The following EBF1 variants were observed in gnomAD, a reference collection of about 807,000 sequenced individuals.
The protein encoded by EBF1 is transcription factor COE1.
A neutral mutation model predicts 68.4 loss-of-function variants in EBF1; 10 were observed. The observed-to-expected ratio is 0.15, with a 90% CI of 0.09 to 0.25. The LOEUF (loss-of-function observed/expected upper bound fraction) is 0.25, where lower values mean the gene tolerates loss of function less well. EBF1 is among the 10% of genes least tolerant of loss of function. The pLI is 1.00. For missense variants in EBF1, 509 were observed against 794.4 expected (o/e 0.64, Z 4.32); for synonymous variants, 298 against 299.8 (o/e 0.99, Z 0.06).
chr5:158,838,434 A>G (rs1228518213), intron 7 of EBF1, among the ~76,000 whole-genome samples: 6 of 135,812 alleles, frequency 4.4e-5, no homozygotes, highest in Non-Finnish European at 9.5e-5. Flanking sequence ...CAACAGAGCA[A>G]GACTCCATCT....
intron 10 of EBF1, among the ~76,000 whole-genome samples, chr5:158,760,536 T>C (rs1771186763): frequency 6.6e-6 from 1 of 152,092 alleles, no homozygotes. Flanking sequence ...GCAATATAGA[T>C]TTCTGAGCTA....
At chr5:158,891,394 T>C (rs1422106158) in intron 6 of EBF1, among the ~76,000 whole-genome samples, 2 of 152,126 alleles carry the variant, frequency 1.3e-5, no homozygotes, top group Non-Finnish European at 2.9e-5. Flanking sequence ...TCTTCCCTTT[T>C]TATTGATATA....
intron 5 of EBF1, among the ~76,000 whole-genome samples, chr5:159,075,344 G>A (rs887207237): frequency 6.6e-5 from 10 of 152,154 alleles, no homozygotes; most frequent in African/African-American, 2.2e-4. Flanking sequence ...CTCTGCAGAA[G>A]CAGCAGGTCT....
intron 10 of EBF1, among the ~76,000 whole-genome samples, chr5:158,776,024 A>G (rs1775169108): frequency 6.6e-6 from 1 of 152,170 alleles, no homozygotes; most frequent in Non-Finnish European, 1.5e-5. Context: ...AAAACTCCAG[A>G]AAGACTATTA....
At chr5:159,017,114 T>C (rs1765751977) in intron 6 of EBF1, among the ~76,000 whole-genome samples, 1 of 144,254 alleles carries the variant, frequency 6.9e-6, no homozygotes, top group Non-Finnish European at 1.6e-5. Context: ...ATATTAATGA[T>C]TATTGATGCT....
At chr5:159,083,502 A>G (rs1780085956) in intron 5 of EBF1, among the ~76,000 whole-genome samples, 1 of 152,238 alleles carries the variant, frequency 6.6e-6, no homozygotes, top group African/African-American at 2.4e-5. Context: ...ATATTTTAGA[A>G]TAATATGTTA....
chr5:158,816,450 A>T (rs912825038), intron 8 of EBF1, among the ~76,000 whole-genome samples: 1 of 152,250 alleles, frequency 6.6e-6, no homozygotes, highest in Non-Finnish European at 1.5e-5. Flanking sequence ...GCTTGAGCAG[A>T]TTATATCCCC....
intron 11 of EBF1, 27 bp downstream of exon 11, chr5:158,731,042 G>A: frequency 6.3e-7 from 1 of 1,598,612 alleles, no homozygotes; most frequent in Non-Finnish European, 8.5e-7. Context: ...CAAATTTTCA[G>A]GAATTACAAA....
At chr5:159,095,060 GT>G (rs2128004700) in intron 4 of EBF1, among the ~76,000 whole-genome samples, 1 of 152,270 alleles carries the variant, frequency 6.6e-6, no homozygotes, top group East Asian at 1.9e-4. Context: ...AAGCAGGAGG[GT>G]TTTTGCAAAA....
chr5:158,739,944 G>A (rs752134738), intron 10 of EBF1, among the ~76,000 whole-genome samples: 8 of 152,116 alleles, frequency 5.3e-5, no homozygotes, highest in Non-Finnish European at 1.2e-4. Context: ...GCGATAAACC[G>A]CATTGATTTA....
chr5:158,707,411 G>A (rs1317380890), intron 15 of EBF1, among the ~76,000 whole-genome samples: 1 of 152,148 alleles, frequency 6.6e-6, no homozygotes, highest in Non-Finnish European at 1.5e-5. Flanking sequence ...GTGGTGTTCT[G>A]GGGTTTCTTA....
At chr5:158,857,243 T>C (rs1794210498) in intron 6 of EBF1, among the ~76,000 whole-genome samples, 1 of 151,656 alleles carries the variant, frequency 6.6e-6, no homozygotes, top group Admixed American at 6.6e-5. Context: ...TCTCTTCACC[T>C]CTCCCATCCC....
Position 158,729,889 on chromosome 5 carries a change from C to A in EBF1, c.1125+1180G>T, listed in dbSNP as rs566466231. The stretch of plus-strand genomic sequence containing the variant: ...GCGCTCCTCCTCTCCATGCGCCTCA[C>A]CTCTGTGTAGTGGCCTGAGGGGTGG... On this transcript the variant is annotated intron_variant, in intron 11 of 15. Transcript: ENST00000313708. Among the ~76,000 whole-genome samples, 7 of 152,352 alleles carry A rather than the reference C, an allele frequency of 4.6e-5. No homozygotes were observed. The South Asian group carries it at 1.4e-3, about 32-fold the overall frequency.
intron 6 of EBF1, among the ~76,000 whole-genome samples, chr5:158,949,329 T>C (rs1815495661): frequency 6.6e-6 from 1 of 152,150 alleles, no homozygotes; most frequent in South Asian, 2.1e-4. Flanking sequence ...CTAGTTCCTT[T>C]AAAACGTTTT....
intron 6 of EBF1, among the ~76,000 whole-genome samples, chr5:159,026,378 G>GA (rs1169926648): frequency 1.3e-5 from 2 of 152,026 alleles, no homozygotes; most frequent in African/African-American, 4.8e-5. Context: ...AAATAGCCAG[G>GA]TCAGTGTAAG....
chr5:158,701,725 T>C (rs536365532), intron 15 of EBF1, among the ~76,000 whole-genome samples: 3 of 152,358 alleles, frequency 2.0e-5, no homozygotes, highest in African/African-American at 7.2e-5. Context: ...ATTTAGACTT[T>C]GTTTTTTTAA....
At chr5:158,898,057 T>C (rs1040353104) in intron 6 of EBF1, among the ~76,000 whole-genome samples, 1 of 152,008 alleles carries the variant, frequency 6.6e-6, no homozygotes, top group East Asian at 1.9e-4. Context: ...TTTGTTGGAG[T>C]TTTGTTCCCC....
intron 10 of EBF1, among the ~76,000 whole-genome samples, chr5:158,769,831 A>C (rs547811818): frequency 6.6e-6 from 1 of 152,110 alleles, no homozygotes. Context: ...TAAATGGTTC[A>C]TTTGGAGTAA....
At chr5:158,939,397 C>T (rs1344141383) in intron 6 of EBF1, among the ~76,000 whole-genome samples, 2 of 152,134 alleles carry the variant, frequency 1.3e-5, no homozygotes, top group Non-Finnish European at 2.9e-5. Context: ...AGCTGGAAAG[C>T]CTCCTAGAAG....
Sources: gnomAD v4.1 joint callset for allele counts (sites outside exome capture counted in the v4.1 genomes callset) on GRCh38, gnomAD v4.1.1 for gene constraint, MANE v1.5 for transcripts, NCBI Gene and HGNC (gene_info 2026-07-23, HGNC 2026-07-21) for gene names.